The following RLN2 variants were observed in gnomAD, a reference collection of about 807,000 sequenced individuals.
The protein encoded by RLN2 is prorelaxin H2.
In RLN2, 10 loss-of-function variants were observed where a neutral mutation model predicts 7.3. The ratio of observed to expected loss-of-function variants is 1.36; its 90% CI spans 0.84 to 2.31. The LOEUF (loss-of-function observed/expected upper bound fraction) is 2.31, where lower values mean the gene tolerates loss of function less well. RLN2 is among the 30% of genes most tolerant of loss of function. The probability of loss-of-function intolerance (pLI) is 0.00; values close to 1 mark genes in which losing one functional copy is unlikely to be tolerated. For missense variants in RLN2, 298 were observed against 217.6 expected (o/e 1.37, Z -2.32); for synonymous variants, 103 against 82.3 (o/e 1.25, Z -1.36).
At chr9:5,332,806 G>A in the RLN2 span, among the ~76,000 whole-genome samples, 163 of 151,730 alleles carry the variant, frequency 1.1e-3, 2 homozygotes, top group Admixed American at 3.0e-3. Context: ...TAGTAGAAAC[G>A]GGGTTTCACC....
At chr9:5,311,923 C>T in the RLN2 span, among the ~76,000 whole-genome samples, 1 of 151,590 alleles carries the variant, frequency 6.6e-6, no homozygotes, top group Non-Finnish European at 1.5e-5. Flanking sequence ...TGCGCTGCAC[C>T]CACTAACTCG....
rs753538709 is a variant in RLN2 at position 5,304,615 on chromosome 9, G to A, written c.-35C>T. The A allele has an allele frequency of 6.2e-7, 1 of 1,605,476 alleles. No individual in the cohort carries two copies. The highest frequency in any genetic ancestry group is 8.5e-7 in the Non-Finnish European group (1 of 1,172,750). Reference sequence around the variant, plus strand: ...GGTCTCTCCTGGAGGTCGGGACGTTGCAGCCTTTCAGGACTGCAGCTGCTG... The same window carrying A: ...GGTCTCTCCTGGAGGTCGGGACGTTACAGCCTTTCAGGACTGCAGCTGCTG... On this transcript the variant is annotated 5_prime_UTR_variant, in exon 1 of 2. Coordinates refer to ENST00000381627, the MANE Select transcript of RLN2 (RefSeq NM_134441.3).
the RLN2 span, among the ~76,000 whole-genome samples, chr9:5,325,820 A>G: frequency 6.6e-6 from 1 of 152,098 alleles, no homozygotes; most frequent in Non-Finnish European, 1.5e-5. Context: ...TAAGGTTGCA[A>G]TATCTATATC....
the RLN2 span, among the ~76,000 whole-genome samples, chr9:5,329,557 G>A: frequency 7.0e-6 from 1 of 143,764 alleles, no homozygotes; most frequent in Non-Finnish European, 1.5e-5. Flanking sequence ...AAGGGATGGA[G>A]GAAGATCTAC....
At chr9:5,333,532 C>A in the RLN2 span, among the ~76,000 whole-genome samples, 2 of 151,892 alleles carry the variant, frequency 1.3e-5, no homozygotes, top group South Asian at 2.1e-4. Context: ...AATGAACAGC[C>A]TACTAACCAA....
the RLN2 span, chr9:5,311,811 T>C: frequency 1.5e-6 from 1 of 660,210 alleles, no homozygotes. Context: ...AGAATTTTTT[T>C]TTTTAGTATT....
intron 1 of RLN2, among the ~76,000 whole-genome samples, chr9:5,301,876 C>G (rs971067429): frequency 6.6e-6 from 1 of 152,186 alleles, no homozygotes; most frequent in Non-Finnish European, 1.5e-5. Flanking sequence ...CCTCCCAACA[C>G]TCTCCCTCAT....
chr9:5,327,410 T>A, the RLN2 span, among the ~76,000 whole-genome samples: 12 of 151,952 alleles, frequency 7.9e-5, no homozygotes, highest in East Asian at 2.1e-3. Flanking sequence ...AAGCACAAAC[T>A]GGGTGGAGTC....
chr9:5,321,261 T>G, the RLN2 span, among the ~76,000 whole-genome samples: 1 of 152,068 alleles, frequency 6.6e-6, no homozygotes, highest in African/African-American at 2.4e-5. Context: ...ACCAACCCAT[T>G]AGAAAATGAG....
intron 1 of RLN2, among the ~76,000 whole-genome samples, chr9:5,301,221 T>C (rs1816122088): frequency 6.6e-6 from 1 of 152,218 alleles, no homozygotes; most frequent in African/African-American, 2.4e-5. Context: ...AAGATCTGTG[T>C]GTCTCCTAGG....
the RLN2 span, among the ~76,000 whole-genome samples, chr9:5,321,830 T>C: frequency 1.3e-5 from 2 of 152,048 alleles, no homozygotes; most frequent in Admixed American, 6.6e-5. Flanking sequence ...AGCATAAAGA[T>C]ACAGGGAGCA....
chr9:5,323,122 C>T, the RLN2 span, among the ~76,000 whole-genome samples: 3 of 151,684 alleles, frequency 2.0e-5, no homozygotes, highest in African/African-American at 4.9e-5. Context: ...TTCCTCCTCT[C>T]GCCTTCCCAC....
At chr9:5,315,419 A>C in the RLN2 span, among the ~76,000 whole-genome samples, 1 of 151,790 alleles carries the variant, frequency 6.6e-6, no homozygotes, top group Non-Finnish European at 1.5e-5. Context: ...AAAAAAAAAA[A>C]CGAAAAGTGT....
chr9:5,305,852 T>A (rs564531218), upstream of RLN2, among the ~76,000 whole-genome samples: 1 of 151,988 alleles, frequency 6.6e-6, no homozygotes, highest in Non-Finnish European at 1.5e-5. Flanking sequence ...CCACTTAGCA[T>A]TGGTCAAATG....
upstream of RLN2, among the ~76,000 whole-genome samples, chr9:5,307,294 TAGATAGATAGATAGATGATA>T (rs1246074013): frequency 6.7e-5 from 10 of 148,710 alleles, no homozygotes; most frequent in African/African-American, 2.6e-4. Flanking sequence ...GATAGATAGA[TAGATAGATAGATAGATGATA>T]GATAGATAGT....
the RLN2 span, among the ~76,000 whole-genome samples, chr9:5,332,884 T>C: frequency 6.6e-6 from 1 of 151,936 alleles, no homozygotes; most frequent in East Asian, 1.9e-4. Flanking sequence ...CCCAAAGTAC[T>C]GGGATTTCAG....
At chr9:5,302,685 A>C (rs1186065136) in intron 1 of RLN2, among the ~76,000 whole-genome samples, 1 of 152,224 alleles carries the variant, frequency 6.6e-6, no homozygotes, top group Non-Finnish European at 1.5e-5. Context: ...AATGTGCTTA[A>C]TGAAGTATTT....
chr9:5,304,370 C>T lies in RLN2; in HGVS notation c.211G>A (p.Glu71Lys), dbSNP rs1816193212. The change falls in exon 1 of 2, where the codon GAA (glutamate) becomes AAA (lysine). Residue 71 changes from glutamate (E) to lysine (K), a missense_variant and splice_region_variant. Coordinates refer to ENST00000381627, the MANE Select transcript of RLN2 (RefSeq NM_134441.3). ...GCCGGGAGGGGGCGGGAGCTCTCAC[C>T]TGCCACTGGTCTAGGTGTCTGAGGA... is the stretch of plus-strand genomic sequence containing the variant. The part of the protein sequence containing the change: ...DAPQTPRPVA[E>K]IVPSFINKDT... The T allele has an allele frequency of 6.3e-7, 1 of 1,591,066 alleles. No homozygotes were observed. Among genetic ancestry groups the T allele is most frequent in the African/African-American group, 1.4e-5 (1 of 70,334 alleles).
chr9:5,329,713 T>C, the RLN2 span, among the ~76,000 whole-genome samples: 673 of 152,044 alleles, frequency 4.4e-3, 12 homozygotes, highest in Non-Finnish European at 4.1e-3. Flanking sequence ...GAGCTCACTA[T>C]CCTAAATATA....
Sources: gnomAD v4.1 joint callset for allele counts (sites outside exome capture counted in the v4.1 genomes callset) on GRCh38, gnomAD v4.1.1 for gene constraint, MANE v1.5 for transcripts, NCBI Gene and HGNC (gene_info 2026-07-23, HGNC 2026-07-21) for gene names.